HMGB1: variants seen among roughly 807,000 people sequenced by gnomAD.
HMGB1 encodes the protein high mobility group box 1.
For synonymous variants in HMGB1, 81 were observed against 84.0 expected (o/e 0.96, Z 0.19); for missense variants, 79 against 253.5 (o/e 0.31, Z 4.67).
chr13:30,482,348 A>G (rs1004672231), intron 1 of HMGB1, among the ~76,000 whole-genome samples: 3 of 152,340 alleles, frequency 2.0e-5, no homozygotes, highest in South Asian at 2.1e-4. Context: ...TCAAGATGGT[A>G]AAGACCAAGC....
At chr13:30,519,022 C>A (rs1235522666) in intron 1 of HMGB1, among the ~76,000 whole-genome samples, 1 of 152,058 alleles carries the variant, frequency 6.6e-6, no homozygotes, top group African/African-American at 2.4e-5. Flanking sequence ...CTGTGCCCAG[C>A]CCAAATAAAC....
At chr13:30,531,557 T>TGTGTGTGTGTGTGTG (rs1173116230) in intron 1 of HMGB1, among the ~76,000 whole-genome samples, 2 of 144,750 alleles carry the variant, frequency 1.4e-5, no homozygotes, top group African/African-American at 5.2e-5. Flanking sequence ...TGTGTGTGTG[T>TGTGTGTGTGTGTGTG]TTTCAGCGAA....
intron 1 of HMGB1, among the ~76,000 whole-genome samples, chr13:30,530,321 A>G (rs1479149463): frequency 3.3e-5 from 5 of 152,188 alleles, no homozygotes; most frequent in South Asian, 4.1e-4. Flanking sequence ...CATTATGTAT[A>G]TGCAAATATT....
At chr13:30,531,341 T>C (rs1888488384) in intron 1 of HMGB1, among the ~76,000 whole-genome samples, 1 of 152,052 alleles carries the variant, frequency 6.6e-6, no homozygotes, top group Admixed American at 6.6e-5. Flanking sequence ...ACTGAAATAA[T>C]GAATCTATCA....
intron 1 of HMGB1, among the ~76,000 whole-genome samples, chr13:30,497,925 G>A (rs1887648780): frequency 6.6e-6 from 1 of 152,162 alleles, no homozygotes; most frequent in Non-Finnish European, 1.5e-5. Context: ...ATACGCATGT[G>A]TGTGTGTCTT....
intron 1 of HMGB1, among the ~76,000 whole-genome samples, chr13:30,493,212 T>C (rs779886410): frequency 2.0e-5 from 3 of 151,926 alleles, no homozygotes; most frequent in Non-Finnish European, 4.4e-5. Flanking sequence ...CATAAACAAA[T>C]TGGAGCATAG....
rs897512531 is a variant in HMGB1 at position 30,460,425 on chromosome 13, G to T, written c.*932C>A. ...ACAAAAAATTTAATATGGCAGTCTT[G>T]TATTTTAAGCTCACGCTTTTGGGGA... is the stretch of plus-strand genomic sequence containing the variant. On this transcript the variant is annotated 3_prime_UTR_variant, in exon 5 of 5. Coordinates refer to ENST00000341423, the MANE Select transcript of HMGB1 (RefSeq NM_002128.7). 2.5e-4 allele frequency: 38 copies of T among 151,644 alleles called. No individual in the cohort carries two copies. Among genetic ancestry groups the T allele is most frequent in the Non-Finnish European group, 4.7e-4 (32 of 67,748 alleles). 9.4% of individuals were successfully genotyped at this position (151,644 alleles called of 1,614,324 possible). A position where few individuals can be genotyped will look rare whatever the true frequency, so the allele number is the denominator to read the frequency against.
chr13:30,507,712 C>T (rs997169173), intron 1 of HMGB1, among the ~76,000 whole-genome samples: 1 of 152,146 alleles, frequency 6.6e-6, no homozygotes, highest in East Asian at 1.9e-4. Flanking sequence ...CCCTACGCAC[C>T]CATCAATTAC....
At chr13:30,558,733 C>T (rs538682553) in intron 1 of HMGB1, among the ~76,000 whole-genome samples, 2 of 152,272 alleles carry the variant, frequency 1.3e-5, no homozygotes, top group South Asian at 4.1e-4. Context: ...TCCTCAAAAC[C>T]CCAGGAGCTT....
chr13:30,503,166 C>T (rs182175229), intron 1 of HMGB1, among the ~76,000 whole-genome samples: 163 of 151,604 alleles, frequency 1.1e-3, no homozygotes, highest in African/African-American at 3.7e-3. Context: ...GAAACCCCGT[C>T]TCTACTAAAA....
upstream of HMGB1, chr13:30,465,963 G>T (rs1308928290): frequency 1.0e-6 from 1 of 985,852 alleles, no homozygotes; most frequent in Non-Finnish European, 1.2e-6. Context: ...GGCTCCTATT[G>T]GCTACCGCCA....
Position 30,574,422 on chromosome 13 carries a change from G to A in HMGB1, c.-15+42249C>T, listed in dbSNP as rs1037648117. Among the ~76,000 whole-genome samples, 3 of 152,070 alleles carry A rather than the reference G, an allele frequency of 2.0e-5. 1 individual carries two copies. Among genetic ancestry groups the A allele is most frequent in the African/African-American group, 4.8e-5 (2 of 41,426 alleles). ...TGCTAACACACTGTCTACCATAGAT[G>A]ATGTTCAATAAATGGTTGCTAAATG... On this transcript the variant is annotated intron_variant, in intron 1 of 4. Coordinates refer to the HMGB1 transcript ENST00000405805.
chr13:30,589,251 C>T (rs370706427), intron 1 of HMGB1, among the ~76,000 whole-genome samples: 1 of 151,998 alleles, frequency 6.6e-6, no homozygotes, highest in South Asian at 2.1e-4. Flanking sequence ...GTGATCCACC[C>T]GCCTCAGCCT....
chr13:30,461,729 A>T (rs1303476910), intron 4 of HMGB1, 196 bp from the exon 5 acceptor site: 1 of 1,404,068 alleles, frequency 7.1e-7, no homozygotes, highest in South Asian at 1.2e-5. Flanking sequence ...CATTATAACA[A>T]TCTATAACTC....
Position 30,607,624 on chromosome 13 carries a change from T to C in HMGB1, c.-15+9047A>G, listed in dbSNP as rs75277448. Among the ~76,000 whole-genome samples, 1,481 of 152,304 alleles carry C rather than the reference T, an allele frequency of 9.7e-3. 30 individuals are homozygous for C. Among genetic ancestry groups the C allele is most frequent in the African/African-American group, 0.034 (1,408 of 41,550 alleles). The stretch of plus-strand genomic sequence containing the variant: ...AAAATAGACTAATACAATCACCTTA[T>C]GGTAAGTCTGTCTATAAATCACCTG... On this transcript the variant is annotated intron_variant, in intron 1 of 4. Transcript: ENST00000405805.
intron 1 of HMGB1, among the ~76,000 whole-genome samples, chr13:30,598,722 A>T (rs1871724391): frequency 1.3e-5 from 2 of 152,206 alleles, no homozygotes. Flanking sequence ...TGGTGGCAAA[A>T]TAAAGGATAA....
chr13:30,535,987 C>A (rs1015390031), intron 1 of HMGB1, among the ~76,000 whole-genome samples: 3 of 152,152 alleles, frequency 2.0e-5, no homozygotes, highest in Admixed American at 6.5e-5. Context: ...AATCTAAGTC[C>A]ATTTTTGTAA....
chr13:30,599,682 T>C (rs2137562072), intron 1 of HMGB1, among the ~76,000 whole-genome samples: 1 of 152,270 alleles, frequency 6.6e-6, no homozygotes, highest in Non-Finnish European at 1.5e-5. Context: ...TTCTGGTGTC[T>C]CCCCACGTAT....
At chr13:30,598,817 C>T (rs999651468) in intron 1 of HMGB1, among the ~76,000 whole-genome samples, 3 of 152,096 alleles carry the variant, frequency 2.0e-5, no homozygotes, top group Non-Finnish European at 4.4e-5. Context: ...ATCTATAATC[C>T]ATCCCTGATT....
Sources: gnomAD v4.1 joint callset for allele counts (sites outside exome capture counted in the v4.1 genomes callset) on GRCh38, gnomAD v4.1.1 for gene constraint, MANE v1.5 for transcripts, NCBI Gene and HGNC (gene_info 2026-07-23, HGNC 2026-07-21) for gene names.